Variants in SETD5 observed in about 807,000 individuals in gnomAD.
The protein encoded by SETD5 is SET domain containing 5, also known as histone-lysine N-methyltransferase SETD5.
In SETD5, 44 loss-of-function variants were observed where a neutral mutation model predicts 153.3. The observed-to-expected ratio is 0.29, with a 90% CI of 0.23 to 0.37. The LOEUF is 0.37. SETD5 is among the 10% of genes least tolerant of loss of function. The probability of loss-of-function intolerance (pLI) is 1.00; values close to 1 mark genes in which losing one functional copy is unlikely to be tolerated. For synonymous variants in SETD5, 716 were observed against 645.2 expected (o/e 1.11, Z -1.66); for missense variants, 1,544 against 1,768.0 (o/e 0.87, Z 2.27).
In SETD5 at chr3:9,433,926, T is replaced by C. The variant is rs2040263636; in HGVS notation, c.153T>C (p.His51=). The part of the protein sequence containing the change: ...STHNYGTTQR[H]GCRGLPYATI... ...ATAATTATGGGACCACTCAGAGGCA[T>C]GGGTGTCGAGGACTGCCTTATGCTG... Residue 51 remains histidine, a synonymous_variant, in exon 4 of 23, where the codon CAT becomes CAC. Coordinates refer to ENST00000402198, the MANE Select transcript of SETD5 (RefSeq NM_001080517.3). 6.2e-7 allele frequency: 1 copy of C among 1,613,834 alleles called. No homozygotes were observed. Among genetic ancestry groups the C allele is most frequent in the Non-Finnish European group, 8.5e-7 (1 of 1,179,866 alleles).
At chr3:9,424,745 A>C (rs901878541) in intron 2 of SETD5, among the ~76,000 whole-genome samples, 3 of 152,218 alleles carry the variant, frequency 2.0e-5, no homozygotes, top group Admixed American at 6.5e-5. Flanking sequence ...AAACAAACAA[A>C]TTATAATAAG....
intron 2 of SETD5, chr3:9,426,251 T>TTTTTG (rs1468053711): frequency 7.3e-6 from 1 of 136,114 alleles, no homozygotes; most frequent in East Asian, 2.0e-4. Flanking sequence ...TTTTTTTTTT[T>TTTTTG]TGGCAACAGG....
At chr3:9,411,598 A>G (rs2036576666) in intron 1 of SETD5, among the ~76,000 whole-genome samples, 1 of 152,220 alleles carries the variant, frequency 6.6e-6, no homozygotes, top group South Asian at 2.1e-4. Flanking sequence ...TCTTTGGTCT[A>G]ATAGGAATAA....
At chr3:9,398,206 C>T (rs889458329) in intron 1 of SETD5, 1 of 151,574 alleles carries the variant, frequency 6.6e-6, no homozygotes, top group African/African-American at 2.4e-5. Context: ...GGCGACCCAA[C>T]TCCCCCTTTC....
At position 9,411,512 on chromosome 3, in the gene SETD5, G is replaced by T. The variant is rs1179250371; in HGVS notation, c.-176-12955G>T. ...TACTAAATCAAGATATACCAAAGGT[G>T]AAGAAATAGTGATTAAGAATGTGAG... On this transcript the variant is annotated intron_variant, in intron 1 of 22. Coordinates refer to ENST00000402198, the MANE Select transcript of SETD5 (RefSeq NM_001080517.3). 2.0e-5 allele frequency among the ~76,000 whole-genome samples: 3 copies of T among 152,188 alleles called. No individual in the cohort carries two copies. The South Asian group carries it at 6.2e-4, about 31-fold the overall frequency.
At chr3:9,435,133 C>G (rs1209145975) in intron 6 of SETD5, among the ~76,000 whole-genome samples, 1 of 151,020 alleles carries the variant, frequency 6.6e-6, no homozygotes, top group East Asian at 2.0e-4. Flanking sequence ...ATCCCAGCTA[C>G]TTGGGAGGCT....
At chr3:9,439,664 T>C (rs1294566262) in intron 7 of SETD5, among the ~76,000 whole-genome samples, 2 of 152,182 alleles carry the variant, frequency 1.3e-5, no homozygotes, top group African/African-American at 4.8e-5. Flanking sequence ...AGGAAGCTGT[T>C]CCTGAGTTGT....
chr3:9,414,869 A>G (rs375391502), intron 1 of SETD5, among the ~76,000 whole-genome samples: 20 of 152,176 alleles, frequency 1.3e-4, no homozygotes, highest in African/African-American at 4.8e-4. Flanking sequence ...AAAAGGAAAT[A>G]CAGTATTCAA....
At chr3:9,420,370 A>G (rs933820403) in intron 1 of SETD5, among the ~76,000 whole-genome samples, 2 of 152,104 alleles carry the variant, frequency 1.3e-5, no homozygotes, top group African/African-American at 4.8e-5. Context: ...TTTTTTACGG[A>G]GAAGGAAATT....
intron 18 of SETD5, 180 bp downstream of exon 18, chr3:9,464,852 C>A: frequency 1.1e-6 from 1 of 886,254 alleles, no homozygotes; most frequent in Non-Finnish European, 1.7e-6. Flanking sequence ...ATCTTGGCAG[C>A]CCCTATGCTT....
chr3:9,441,637 C>A lies in SETD5; in HGVS notation c.855C>A (p.Ile285=), dbSNP rs1239837159. Residue 285 remains isoleucine, a synonymous_variant, in exon 9 of 23, where the codon ATC becomes ATA. Coordinates refer to ENST00000402198, the MANE Select transcript of SETD5 (RefSeq NM_001080517.3). ...RVTRVQKHRK[I]LRAARDLALD... is the part of the protein sequence containing the mutation. ...CTCGTGTTCAAAAGCACCGGAAGAT[C>A]CTGAGGGCTGCAAGAGATTTGGCTT... is the stretch of plus-strand genomic sequence containing the variant. The A allele has an allele frequency of 6.2e-7, 1 of 1,613,766 alleles. No individual in the cohort carries two copies. Among genetic ancestry groups the A allele is most frequent in the Non-Finnish European group, 8.5e-7 (1 of 1,179,844 alleles).
rs764176159 is a variant in SETD5, at chr3:9,448,601, C to G, written c.2317C>G (p.Pro773Ala). 1 of 1,602,726 alleles carries G rather than the reference C, an allele frequency of 6.2e-7. No individual in the cohort carries two copies. ...IPERRRRPLL[P>A]DGTFSSCKKR... ...TGAGAGACGTCGAAGGCCCCTTCTG[C>G]CTGATGGCACATTCAGCTCCTGTAA... Residue 773 changes from proline to alanine, a missense_variant, in exon 16 of 23, where the codon CCT becomes GCT. Pro to Ala is a conservative substitution (Grantham distance 27). Around this residue, in one of 9 missense-constraint regions of SETD5, gnomAD observed 782 missense variants for 787.2 expected, o/e 0.99. Coordinates refer to ENST00000402198, the MANE Select transcript of SETD5 (RefSeq NM_001080517.3).
intron 16 of SETD5, among the ~76,000 whole-genome samples, chr3:9,450,009 T>G (rs1266007437): frequency 6.6e-6 from 1 of 152,198 alleles, no homozygotes; most frequent in Non-Finnish European, 1.5e-5. Flanking sequence ...TAATATGAAC[T>G]AGGCTCTTGA....
intron 1 of SETD5, chr3:9,398,286 A>C (rs1575113276): frequency 1.5e-5 from 2 of 136,432 alleles, no homozygotes; most frequent in African/African-American, 2.8e-5. Context: ...GGAACTGCCT[A>C]CTCCACGTTT....
At chr3:9,429,752 C>T (rs993320193) in intron 3 of SETD5, 1 of 1,015,352 alleles carries the variant, frequency 9.8e-7, no homozygotes, top group African/African-American at 1.7e-5. Context: ...TTTAAGTTGT[C>T]CGAGATTCCC....
intron 10 of SETD5, 52 bp from the exon 11 acceptor site, chr3:9,443,256 C>A: frequency 7.6e-7 from 1 of 1,313,126 alleles, no homozygotes; most frequent in Non-Finnish European, 1.1e-6. Flanking sequence ...TTCTCTCTTA[C>A]GGAAAGTTCA....
At position 9,462,326 on chromosome 3, in the gene SETD5, G is replaced by A. The variant is rs531319958; in HGVS notation, c.2477-2099G>A. On this transcript the variant is annotated intron_variant, in intron 17 of 22. Transcript: ENST00000402198. ...GATGGAGCCAGGCGCGGTGGCTCAC[G>A]CCTGTAATCCCAGCACTTTGGGAGG... 1.1e-4 allele frequency among the ~76,000 whole-genome samples: 16 copies of A among 152,216 alleles called. No individual in the cohort carries two copies. In the South Asian group the frequency reaches 2.9e-3, roughly 28 times the overall value.
intron 2 of SETD5, among the ~76,000 whole-genome samples, chr3:9,426,915 A>T (rs1323264152): frequency 1.3e-5 from 2 of 152,010 alleles, no homozygotes; most frequent in Non-Finnish European, 2.9e-5. Flanking sequence ...CAGAGGTCTC[A>T]CTTCATCATC....
chr3:9,418,473 A>G (rs1246718249), intron 1 of SETD5, among the ~76,000 whole-genome samples: 1 of 152,174 alleles, frequency 6.6e-6, no homozygotes, highest in Admixed American at 6.5e-5. Flanking sequence ...TCCTAGCCCA[A>G]ATTTGTAGAA....
Sources: gnomAD v4.1 joint callset for allele counts (sites outside exome capture counted in the v4.1 genomes callset) on GRCh38, gnomAD v4.1.1 for gene constraint, gnomAD v4.1.1 regional missense constraint, MANE v1.5 for transcripts, NCBI Gene and HGNC (gene_info 2026-07-23, HGNC 2026-07-21) for gene names.